The following MAST4 variants were observed in gnomAD, a reference collection of about 807,000 sequenced individuals.
MAST4 encodes the protein microtubule associated serine/threonine kinase family member 4, also known as microtubule-associated serine/threonine-protein kinase 4.
In MAST4, 89 loss-of-function variants were observed where a neutral mutation model predicts 162.7. The observed-to-expected ratio is 0.55, with a 90% CI of 0.46 to 0.65. The LOEUF is 0.65. Among genes scored for constraint, MAST4 ranks in the 30% least tolerant of loss-of-function variants. MAST4 has a pLI of 0.00. For missense variants in MAST4, 3,153 were observed against 3,374.0 expected (o/e 0.93, Z 1.62); for synonymous variants, 1,479 against 1,361.1 (o/e 1.09, Z -1.91).
intron 3 of MAST4, among the ~76,000 whole-genome samples, chr5:66,795,489 C>T (rs1366552552): frequency 2.0e-5 from 3 of 152,042 alleles, no homozygotes; most frequent in African/African-American, 7.2e-5. Flanking sequence ...CTAGGAATGC[C>T]GTACAAATTT....
intron 5 of MAST4, among the ~76,000 whole-genome samples, chr5:67,060,385 G>T (rs1039875220): frequency 6.6e-5 from 10 of 152,066 alleles, no homozygotes; most frequent in Admixed American, 3.9e-4. Context: ...AATAAACAAG[G>T]CAGACTAATG....
chr5:66,718,000 G>C lies in MAST4; in HGVS notation c.364-41709G>C, dbSNP rs573653795. Among the ~76,000 whole-genome samples, 54 of 152,230 alleles carry C rather than the reference G, an allele frequency of 3.5e-4. 1 individual carries two copies. The highest frequency in any genetic ancestry group is 2.9e-5 in the Non-Finnish European group (2 of 68,012). On this transcript the variant is annotated intron_variant, in intron 1 of 28. Transcript: ENST00000403625. ...CATCCCTGAGTTCTCACTGGGACAT[G>C]AGGGACTGCGTTTCAGCTGTGACAG...
chr5:67,008,708 C>G (rs1195063795), intron 4 of MAST4, among the ~76,000 whole-genome samples: 2 of 152,098 alleles, frequency 1.3e-5, no homozygotes, highest in Non-Finnish European at 2.9e-5. Context: ...AGCAAGTTTC[C>G]AAATGTCTTT....
chr5:67,064,259 G>T (rs1485969458), intron 5 of MAST4, among the ~76,000 whole-genome samples: 1 of 152,168 alleles, frequency 6.6e-6, no homozygotes, highest in Non-Finnish European at 1.5e-5. Flanking sequence ...AACCTGAGAT[G>T]CAGGAGGGAA....
chr5:66,748,715 C>G lies in MAST4; in HGVS notation c.364-10994C>G, dbSNP rs181626853. On this transcript the variant is annotated intron_variant, in intron 1 of 28. Transcript: ENST00000403625. The stretch of plus-strand genomic sequence containing the variant: ...ATGTTGGCCAAGATGGTCTCGATCT[C>G]TTGACCTCATGATCCACCTGCCTCG... 4.1e-3 allele frequency among the ~76,000 whole-genome samples: 621 copies of G among 151,990 alleles called. 2 individuals carry two copies. Among genetic ancestry groups the G allele is most frequent in the Non-Finnish European group, 5.3e-3 (362 of 67,952 alleles).
chr5:66,917,675 A>G lies in MAST4; in HGVS notation c.674+17693A>G, dbSNP rs564699113. On this transcript the variant is annotated intron_variant, in intron 4 of 28. Transcript: ENST00000403625. ...GAAAATTTATTTTTCATGGGATTGA[A>G]ATGTTGTCCTTGTCACATATAAAGA... Among the ~76,000 whole-genome samples the G allele has an allele frequency of 3.3e-5, 5 of 151,578 alleles. No homozygotes were observed. The South Asian group carries it at 1.0e-3, about 32-fold the overall frequency.
chr5:66,757,275 C>T (rs774204067), intron 1 of MAST4, among the ~76,000 whole-genome samples: 1 of 152,178 alleles, frequency 6.6e-6, no homozygotes, highest in African/African-American at 2.4e-5. Context: ...AGCTGTCACT[C>T]ATAATTAAGA....
chr5:67,123,266 G>A (rs921124946), intron 14 of MAST4, among the ~76,000 whole-genome samples: 1 of 152,148 alleles, frequency 6.6e-6, no homozygotes, highest in Non-Finnish European at 1.5e-5. Context: ...ATTAGGAAGG[G>A]CTTCTATCTG....
intron 4 of MAST4, among the ~76,000 whole-genome samples, chr5:66,971,075 C>A (rs1238254074): frequency 2.0e-5 from 3 of 152,122 alleles, no homozygotes; most frequent in Non-Finnish European, 4.4e-5. Flanking sequence ...TTCGGGACTT[C>A]AATTTGTGGT....
chr5:67,071,414 C>T (rs571025698), intron 5 of MAST4, among the ~76,000 whole-genome samples: 3 of 151,658 alleles, frequency 2.0e-5, no homozygotes, highest in Admixed American at 1.3e-4. Context: ...CAAGAACACA[C>T]AAAATAACAG....
intron 10 of MAST4, among the ~76,000 whole-genome samples, chr5:67,109,645 T>C (rs1765996073): frequency 6.6e-6 from 1 of 152,180 alleles, no homozygotes. Flanking sequence ...ATATTGGATA[T>C]ATGAAATATA....
At chr5:66,851,520 G>T (rs17281085) in intron 3 of MAST4, among the ~76,000 whole-genome samples, 16,139 of 152,252 alleles carry the variant, frequency 0.11, 1,076 homozygotes, top group Admixed American at 0.15. Flanking sequence ...GTTGGTCATT[G>T]CTCTTAAAGG....
chr5:66,962,693 T>G lies in MAST4; in HGVS notation c.674+62711T>G, dbSNP rs184763942. ...AGCCTGGGTGACTAGAGTGAAACCT[T>G]GTCTCAAAAAGAACAACAACAACAA... On this transcript the variant is annotated intron_variant, in intron 4 of 28. Coordinates refer to ENST00000403625, the MANE Select transcript of MAST4 (RefSeq NM_001164664.2). 2.2e-4 allele frequency among the ~76,000 whole-genome samples: 34 copies of G among 151,302 alleles called. 1 individual carries two copies. The highest frequency in any genetic ancestry group is 2.2e-3 in the Admixed American group (34 of 15,274).
chr5:66,744,261 G>A (rs983282030), intron 1 of MAST4, among the ~76,000 whole-genome samples: 3 of 151,936 alleles, frequency 2.0e-5, no homozygotes, highest in African/African-American at 7.3e-5. Context: ...GGGGCCCCTG[G>A]GCTGCTGATA....
intron 5 of MAST4, among the ~76,000 whole-genome samples, chr5:67,057,580 C>T (rs1256483245): frequency 3.5e-5 from 4 of 114,156 alleles, no homozygotes; most frequent in African/African-American, 1.3e-4. Context: ...CAGTGAATAG[C>T]ACAGTCTCAT....
chr5:66,688,145 G>A (rs571386749), intron 1 of MAST4, among the ~76,000 whole-genome samples: 2 of 152,216 alleles, frequency 1.3e-5, no homozygotes, highest in South Asian at 4.1e-4. Flanking sequence ...TGGCTTTTTA[G>A]CACACTTCCC....
chr5:67,130,265 A>T lies in MAST4; in HGVS notation c.1801A>T (p.Ile601Phe), dbSNP rs952871270. 2 of 1,613,748 alleles carry T rather than the reference A, an allele frequency of 1.2e-6. No individual in the cohort carries two copies. The highest frequency in any genetic ancestry group is 3.3e-5 in the Admixed American group (2 of 59,940). ...ESRQRFAMKK[I>F]NKQNLILRNQ... ...CCGGCAGAGGTTTGCCATGAAGAAG[A>T]TTAATAAACAGAACCTCATCCTTCG... The change falls in exon 15 of 29, where the codon ATT becomes TTT. Residue 601 changes from isoleucine to phenylalanine, a missense_variant. Ile to Phe is a conservative substitution (Grantham distance 21, BLOSUM62 0). Transcript: ENST00000403625.
In MAST4 at chr5:67,121,385, C is replaced by A. The variant is rs543936337; in HGVS notation, c.1745+283C>A. Among the ~76,000 whole-genome samples, 8 of 151,884 alleles carry A rather than the reference C, an allele frequency of 5.3e-5. No homozygotes were observed. In the South Asian group the frequency reaches 1.5e-3, roughly 28 times the overall value. On this transcript the variant is annotated intron_variant, in intron 14 of 28. Coordinates refer to ENST00000403625, the MANE Select transcript of MAST4 (RefSeq NM_001164664.2). ...TGTTTCTGCCTCCTTCATTTTTGCC[C>A]TTTTGGGTTAAAAGAAATACCTGAC...
intron 1 of MAST4, among the ~76,000 whole-genome samples, chr5:66,698,469 A>G (rs1183872055): frequency 7.0e-6 from 1 of 143,796 alleles, no homozygotes; most frequent in Non-Finnish European, 1.5e-5. Context: ...TATCTCTTTT[A>G]CAGGTACCTC....
Sources: allele counts gnomAD v4.1 joint callset (sites outside exome capture counted in the v4.1 genomes callset), GRCh38; gene constraint gnomAD v4.1.1; transcripts MANE v1.5; gene names NCBI Gene and HGNC (gene_info 2026-07-23, HGNC 2026-07-21).